Variants in DAB1 observed in about 807,000 individuals in gnomAD.
The protein encoded by DAB1 is DAB adaptor protein 1, also known as disabled homolog 1.
In DAB1, 15 loss-of-function variants were observed where a neutral mutation model predicts 64.6. The observed-to-expected ratio is 0.23, with a 90% CI of 0.16 to 0.36. The LOEUF (loss-of-function observed/expected upper bound fraction) is 0.36. Among genes scored for constraint, DAB1 ranks in the 10% least tolerant of loss-of-function variants. DAB1 has a pLI of 1.00. For missense variants in DAB1, 596 were observed against 706.7 expected (o/e 0.84, Z 1.78); for synonymous variants, 235 against 251.9 (o/e 0.93, Z 0.64).
At chr1:57,825,797 A>G (rs1652324467), downstream of DAB1, among the ~76,000 whole-genome samples, 1 of 152,166 alleles carries the variant, frequency 6.6e-6, no homozygotes. Flanking sequence ...CATTGAGTTA[A>G]TGTGTGAATG....
At chr1:58,026,312 T>G (rs1354828632) in intron 5 of DAB1, among the ~76,000 whole-genome samples, 1 of 151,996 alleles carries the variant, frequency 6.6e-6, no homozygotes, top group Non-Finnish European at 1.5e-5. Flanking sequence ...CAGTGCATTG[T>G]TTAGAAGCAA....
chr1:58,524,514 A>T (rs1346867771), intron 2 of DAB1, among the ~76,000 whole-genome samples: 1 of 152,196 alleles, frequency 6.6e-6, no homozygotes, highest in Non-Finnish European at 1.5e-5. Flanking sequence ...CACCCACATA[A>T]AAGGTGCATC....
chr1:58,360,580 A>G (rs1251158268), intron 3 of DAB1, among the ~76,000 whole-genome samples: 1 of 151,846 alleles, frequency 6.6e-6, no homozygotes, highest in Non-Finnish European at 1.5e-5. Context: ...ACAACCATGG[A>G]GCTGGACTCC....
intron 4 of DAB1, chr1:58,228,553 A>G (rs1242725198): frequency 2.4e-6 from 1 of 414,182 alleles, no homozygotes; most frequent in East Asian, 6.1e-5. Flanking sequence ...GTGTGTGGAT[A>G]TGGCAGGGGG....
At chr1:58,083,905 T>C (rs1217135877) in intron 5 of DAB1, among the ~76,000 whole-genome samples, 3 of 152,094 alleles carry the variant, frequency 2.0e-5, no homozygotes, top group Non-Finnish European at 2.9e-5. Context: ...AAGCAAGCCA[T>C]GAAAAAATGT....
intron 1 of DAB1, among the ~76,000 whole-genome samples, chr1:57,313,982 C>T (rs1438441108): frequency 2.6e-5 from 4 of 152,182 alleles, no homozygotes; most frequent in Non-Finnish European, 5.9e-5. Flanking sequence ...TGATCTTGGA[C>T]CTTCCAGCCT....
chr1:57,407,808 G>A (rs1056134682), intron 1 of DAB1, among the ~76,000 whole-genome samples: 3 of 128,442 alleles, frequency 2.3e-5, no homozygotes, highest in South Asian at 4.9e-4. Context: ...GTGTGTGTGT[G>A]TTTGTACATA....
intron 6 of DAB1, among the ~76,000 whole-genome samples, chr1:57,747,893 C>CA (rs1648362157): frequency 1.0e-5 from 1 of 95,806 alleles, no homozygotes; most frequent in Non-Finnish European, 2.3e-5. Flanking sequence ...CTTAAAGGGA[C>CA]AGAAAAAATA....
chr1:58,161,941 G>A lies in DAB1; in HGVS notation n.310-11353C>T, dbSNP rs2100750483. ...TTAGGCTGGCTGCAATATAAAGAAT[G>A]GGATTTGAGGGGTACAAAAGCAACA... is the stretch of plus-strand genomic sequence containing the variant. On this transcript the variant is annotated intron_variant and non_coding_transcript_variant, in intron 4 of 20. Transcript: ENST00000485760. Among the ~76,000 whole-genome samples the A allele has an allele frequency of 2.6e-5, 4 of 152,230 alleles. No individual in the cohort carries two copies. In the Middle Eastern group the frequency reaches 0.01, roughly 388 times the overall value.
intron 2 of DAB1, among the ~76,000 whole-genome samples, chr1:57,146,776 G>A (rs1391727625): frequency 1.3e-5 from 2 of 152,128 alleles, no homozygotes; most frequent in African/African-American, 2.4e-5. Context: ...TTTGGTGACT[G>A]CAAATACAAA....
intron 7 of DAB1, among the ~76,000 whole-genome samples, chr1:57,520,195 A>G (rs560374117): frequency 2.8e-4 from 42 of 152,356 alleles, no homozygotes; most frequent in African/African-American, 9.9e-4. Flanking sequence ...TGACTGGAGC[A>G]TAACTGCTTC....
At chr1:57,141,881 C>T (rs183336745) in intron 3 of DAB1, among the ~76,000 whole-genome samples, 71 of 152,204 alleles carry the variant, frequency 4.7e-4, no homozygotes, top group Non-Finnish European at 9.4e-4. Context: ...AATACAATTA[C>T]GGGCAAAACT....
chr1:58,159,567 T>C (rs1016821646), intron 4 of DAB1, among the ~76,000 whole-genome samples: 1 of 152,196 alleles, frequency 6.6e-6, no homozygotes, highest in Non-Finnish European at 1.5e-5. Flanking sequence ...CTCTCCACGC[T>C]GTACACTCAA....
rs80075597 is a variant in DAB1, at chr1:57,451,430, G to A, written n.626-160264C>T. On this transcript the variant is annotated intron_variant and non_coding_transcript_variant, in intron 7 of 20. Transcript: ENST00000485760. ...GAATCTTTTTTAGTGGGAGATACCT[G>A]GGTTATAGTATTTTATTTTTTAAAA... Among the ~76,000 whole-genome samples the A allele has an allele frequency of 4.2e-3, 636 of 152,266 alleles. 2 individuals are homozygous for A. Among genetic ancestry groups the A allele is most frequent in the African/African-American group, 0.015 (609 of 41,552 alleles).
intron 6 of DAB1, among the ~76,000 whole-genome samples, chr1:57,793,681 T>C (rs1481827104): frequency 6.6e-6 from 1 of 152,196 alleles, no homozygotes; most frequent in Non-Finnish European, 1.5e-5. Flanking sequence ...TAACTCCCAG[T>C]GTATACTTGG....
chr1:57,392,228 C>T (rs1682436608), intron 1 of DAB1, among the ~76,000 whole-genome samples: 1 of 152,118 alleles, frequency 6.6e-6, no homozygotes, highest in Admixed American at 6.5e-5. Flanking sequence ...CAAAAATCAA[C>T]CAGGCATGGT....
At chr1:57,447,430 T>G (rs1267282651) in intron 7 of DAB1, among the ~76,000 whole-genome samples, 1 of 152,208 alleles carries the variant, frequency 6.6e-6, no homozygotes, top group Non-Finnish European at 1.5e-5. Flanking sequence ...TCTGGGCAGC[T>G]GTGTGGCTAC....
At chr1:57,788,456 A>G (rs1419102346) in intron 6 of DAB1, among the ~76,000 whole-genome samples, 2 of 152,248 alleles carry the variant, frequency 1.3e-5, no homozygotes, top group African/African-American at 4.8e-5. Context: ...TGACATTTAT[A>G]TGACATTCTA....
chr1:58,348,936 G>GGGCT (rs1644025908), intron 3 of DAB1, among the ~76,000 whole-genome samples: 4 of 152,148 alleles, frequency 2.6e-5, no homozygotes, highest in African/African-American at 9.7e-5. Context: ...GGACTGCTTG[G>GGGCT]GGCTGACTGT....
Sources: allele counts gnomAD v4.1 joint callset (sites outside exome capture counted in the v4.1 genomes callset), GRCh38; gene constraint gnomAD v4.1.1; transcripts MANE v1.5; gene names NCBI Gene and HGNC (gene_info 2026-07-23, HGNC 2026-07-21).